Variants in SLC1A6 observed in about 807,000 individuals in gnomAD.
The protein encoded by SLC1A6 is excitatory amino acid transporter 4.
A neutral mutation model predicts 42.1 loss-of-function variants in SLC1A6; 15 were observed. That is an observed-to-expected ratio of 0.36 (90% CI 0.24 to 0.55). The LOEUF (loss-of-function observed/expected upper bound fraction) is 0.55, where lower values mean the gene tolerates loss of function less well. Ranked by LOEUF, SLC1A6 falls within the 20% of genes least tolerant of loss-of-function variation. The probability of loss-of-function intolerance (pLI) is 0.88; values close to 1 mark genes in which losing one functional copy is unlikely to be tolerated. For synonymous variants in SLC1A6, 317 were observed against 319.7 expected (o/e 0.99, Z 0.09); for missense variants, 542 against 772.5 (o/e 0.70, Z 3.54).
chr19:14,976,674 GC>G (rs1255450007), intron 1 of SLC1A6: 1 of 152,122 alleles, frequency 6.6e-6, no homozygotes, highest in Non-Finnish European at 1.5e-5. Flanking sequence ...ATGAGCCACA[GC>G]GCCCGGCTGC....
In SLC1A6 at chr19:15,005,069, G is replaced by A. The variant is rs140149798; in HGVS notation, c.6+5416C>T. On this transcript the variant is annotated intron_variant, in intron 1 of 8. Transcript: ENST00000430939. ...AGTCCAGGAGTTTGAGACTAGCCTG[G>A]GCAACATAGCAAGATCGTGTCTCTA... Among the ~76,000 whole-genome samples the A allele has an allele frequency of 4.4e-3, 663 of 152,196 alleles. 8 individuals carry two copies. The highest frequency in any genetic ancestry group is 0.015 in the African/African-American group (623 of 41,524).
intron 1 of SLC1A6, among the ~76,000 whole-genome samples, chr19:14,992,943 G>C (rs1275922160): frequency 6.6e-6 from 1 of 152,102 alleles, no homozygotes; most frequent in Admixed American, 6.6e-5. Flanking sequence ...GCTAGCCTGA[G>C]GCATCCCCGC....
At chr19:14,967,130 C>A (rs2045583347) in intron 4 of SLC1A6, among the ~76,000 whole-genome samples, 1 of 152,214 alleles carries the variant, frequency 6.6e-6, no homozygotes, top group African/African-American at 2.4e-5. Flanking sequence ...ACCAGCTGTT[C>A]TGACCCCACC....
chr19:14,958,130 G>T (rs1005371768), intron 6 of SLC1A6, among the ~76,000 whole-genome samples: 1 of 152,088 alleles, frequency 6.6e-6, no homozygotes, highest in South Asian at 2.1e-4. Flanking sequence ...GAAGTTTATG[G>T]CTGGGCATGG....
At chr19:14,962,980 A>T (rs557021409) in intron 5 of SLC1A6, among the ~76,000 whole-genome samples, 1 of 152,372 alleles carries the variant, frequency 6.6e-6, no homozygotes, top group South Asian at 2.1e-4. Context: ...TGAAATCAGT[A>T]TCTCAAAGAG....
At chr19:14,958,672 C>T (rs2145173870) in intron 6 of SLC1A6, among the ~76,000 whole-genome samples, 1 of 152,272 alleles carries the variant, frequency 6.6e-6, no homozygotes, top group East Asian at 1.9e-4. Context: ...TTCCTCACCT[C>T]CATCCTTCCA....
intron 1 of SLC1A6, among the ~76,000 whole-genome samples, chr19:14,989,760 GGGGT>G (rs201500364): frequency 0.57 from 67,130 of 117,866 alleles, 15,127 homozygotes; most frequent in East Asian, 0.59. Context: ...GGCGGGGGGT[GGGGT>G]GTGGATCACC....
intron 1 of SLC1A6, among the ~76,000 whole-genome samples, chr19:15,006,632 G>A (rs745705018): frequency 4.0e-5 from 6 of 151,056 alleles, no homozygotes; most frequent in Non-Finnish European, 8.8e-5. Context: ...CACTCAATAC[G>A]AAAATATTTG....
At position 14,962,261 on chromosome 19, in the gene SLC1A6, G is replaced by T; in HGVS notation, c.676C>A (p.Pro226Thr). 1 of 1,614,098 alleles carries T rather than the reference G, an allele frequency of 6.2e-7. No individual in the cohort carries two copies. Residue 226 changes from proline (P) to threonine (T), a missense_variant, in exon 6 of 10, where the codon CCT (proline) becomes ACT (threonine). Pro to Thr is a conservative substitution (Grantham distance 38). Transcript: ENST00000594383. ...GTTCCGTTCTCCACTGAGAATGGAG[G>T]AGGCATGGAGGCACCCGGCTCAGAC... ...NGSEPGASMP[P>T]PFSVENGTSF...
chr19:14,959,500 T>C (rs960257331), intron 6 of SLC1A6, among the ~76,000 whole-genome samples: 2 of 152,244 alleles, frequency 1.3e-5, no homozygotes, highest in African/African-American at 2.4e-5. Context: ...AAATTTATGT[T>C]TGAGTGCTAT....
chr19:14,971,638 T>C, intron 3 of SLC1A6, 99 bp downstream of exon 3: 1 of 1,218,444 alleles, frequency 8.2e-7, no homozygotes, highest in Non-Finnish European at 1.2e-6. Context: ...AGGTGCCGCG[T>C]CAAGGAAGTG....
chr19:14,953,243 A>C, intron 8 of SLC1A6, among the ~76,000 whole-genome samples, 181 bp from the exon 9 acceptor site: 3 of 143,158 alleles, frequency 2.1e-5, no homozygotes, highest in African/African-American at 5.2e-5. Context: ...CCTCACCTCG[A>C]TCCCCACCCA....
At chr19:14,995,580 T>C (rs2045842315) in intron 1 of SLC1A6, among the ~76,000 whole-genome samples, 2 of 152,052 alleles carry the variant, frequency 1.3e-5, no homozygotes, top group African/African-American at 4.8e-5. Flanking sequence ...ACAAAAATGA[T>C]AACTATATGA....
upstream of SLC1A6, among the ~76,000 whole-genome samples, chr19:14,980,455 AT>A (rs1301465535): frequency 1.3e-5 from 2 of 152,182 alleles, no homozygotes; most frequent in East Asian, 3.9e-4. Flanking sequence ...CTGAGAGCTA[AT>A]GCCATTTAAA....
chr19:14,988,633 G>T (rs1170162960), intron 1 of SLC1A6, among the ~76,000 whole-genome samples: 1 of 152,116 alleles, frequency 6.6e-6, no homozygotes, highest in Non-Finnish European at 1.5e-5. Context: ...ATACTACTCA[G>T]CCATTAAAAA....
At position 14,979,770 on chromosome 19, in the gene SLC1A6, C is replaced by T. The variant is rs1168572800; in HGVS notation, c.-469G>A. On this transcript the variant is annotated 5_prime_UTR_variant, in exon 1 of 10. Coordinates refer to ENST00000594383, the MANE Select transcript of SLC1A6 (RefSeq NM_005071.3). This position sits in a 1 kb window ranked among gnomAD's most constrained non-coding sequence, Gnocchi z 4.2. ...AGCGGCCGGGGGAGGGGGCGGGATC[C>T]CCTCCGCGATGCCCTCCGCCTCCCC... 2 of 152,220 alleles carry T rather than the reference C, an allele frequency of 1.3e-5. No homozygotes were observed. Among genetic ancestry groups the T allele is most frequent in the Non-Finnish European group, 2.9e-5 (2 of 68,228 alleles). 9.4% of individuals were successfully genotyped at this position (152,220 alleles called of 1,614,324 possible).
intron 1 of SLC1A6, among the ~76,000 whole-genome samples, chr19:15,002,887 T>TCA (rs1270889443): frequency 8.8e-6 from 1 of 113,042 alleles, no homozygotes; most frequent in Non-Finnish European, 1.9e-5. Flanking sequence ...CCTGAGCCAT[T>TCA]ATTTTTGTTT....
chr19:14,992,463 G>A (rs954795592), intron 1 of SLC1A6, among the ~76,000 whole-genome samples: 3 of 152,040 alleles, frequency 2.0e-5, no homozygotes, highest in African/African-American at 4.8e-5. Flanking sequence ...GGTCACGGCC[G>A]GGTGTAGTGG....
intron 1 of SLC1A6, among the ~76,000 whole-genome samples, chr19:15,000,835 C>T (rs1412668946): frequency 6.6e-6 from 1 of 152,224 alleles, no homozygotes; most frequent in Non-Finnish European, 1.5e-5. Flanking sequence ...ACCTTACTTA[C>T]ATCTGCAATG....
Sources: allele counts gnomAD v4.1 joint callset (sites outside exome capture counted in the v4.1 genomes callset), GRCh38; gene constraint gnomAD v4.1.1; non-coding constraint Gnocchi (gnomAD v3.1); transcripts MANE v1.5; gene names NCBI Gene and HGNC (gene_info 2026-07-23, HGNC 2026-07-21).